Variants in SLC24A3 observed in about 807,000 individuals in gnomAD.
SLC24A3 encodes the protein solute carrier family 24 member 3.
SLC24A3 carries 28 observed loss-of-function variants against 75.8 expected under a neutral mutation model. The ratio of observed to expected loss-of-function variants is 0.37; its 90% confidence interval spans 0.27 to 0.51. The LOEUF (loss-of-function observed/expected upper bound fraction) is 0.51. Among genes scored for constraint, SLC24A3 ranks in the 20% least tolerant of loss-of-function variants. The pLI is 0.94. For synonymous variants in SLC24A3, 372 were observed against 334.1 expected, an observed-to-expected ratio of 1.11 and a Z score of -1.24; for missense variants, 663 against 847.8, an observed-to-expected ratio of 0.78 and a Z score of 2.71.
chr20:19,712,119 A>G (rs1431131644), intron 15 of SLC24A3, among the ~76,000 whole-genome samples: 1 of 151,782 alleles, frequency 6.6e-6, no homozygotes, highest in Non-Finnish European at 1.5e-5. Context: ...GCTAATTTTT[A>G]TTTTTATTTT....
At chr20:19,410,093 A>G (rs1986717501) in intron 2 of SLC24A3, among the ~76,000 whole-genome samples, 1 of 152,164 alleles carries the variant, frequency 6.6e-6, no homozygotes, top group South Asian at 2.1e-4. Context: ...TCAATTACAG[A>G]ACAAGAAACT....
chr20:19,475,291 A>G (rs1987944102), intron 2 of SLC24A3, among the ~76,000 whole-genome samples: 1 of 151,852 alleles, frequency 6.6e-6, no homozygotes, highest in East Asian at 1.9e-4. Context: ...GTGAGCTGAG[A>G]TCGCGCCACT....
intron 9 of SLC24A3, 138 bp downstream of exon 9, chr20:19,673,792 A>G (rs921575045): frequency 7.2e-6 from 5 of 694,816 alleles, no homozygotes; most frequent in Non-Finnish European, 1.3e-5. Flanking sequence ...TCCCTGCCAG[A>G]CTGTTGTGAG....
At chr20:19,438,355 A>G (rs867157831) in intron 2 of SLC24A3, among the ~76,000 whole-genome samples, 1 of 152,170 alleles carries the variant, frequency 6.6e-6, no homozygotes, top group African/African-American at 2.4e-5. Context: ...TGATATAAAG[A>G]TGGTCTTAGA....
chr20:19,679,467 C>T (rs1939134769), intron 9 of SLC24A3, among the ~76,000 whole-genome samples: 1 of 134,446 alleles, frequency 7.4e-6, no homozygotes, highest in East Asian at 2.4e-4. Flanking sequence ...AGTCCAGCTT[C>T]GGCTCGGCAT....
At chr20:19,386,938 T>A (rs1986282550) in intron 2 of SLC24A3, among the ~76,000 whole-genome samples, 1 of 152,180 alleles carries the variant, frequency 6.6e-6, no homozygotes, top group African/African-American at 2.4e-5. Flanking sequence ...CTTCTTTAAA[T>A]GTTTGTTAAA....
intron 15 of SLC24A3, among the ~76,000 whole-genome samples, chr20:19,709,089 G>T (rs758788967): frequency 6.6e-5 from 10 of 152,190 alleles, no homozygotes; most frequent in Non-Finnish European, 1.5e-4. Context: ...TACCACAGTG[G>T]GCAATCAGGG....
At chr20:19,603,275 G>T (rs2031552111) in intron 6 of SLC24A3, among the ~76,000 whole-genome samples, 1 of 152,216 alleles carries the variant, frequency 6.6e-6, no homozygotes, top group African/African-American at 2.4e-5. Flanking sequence ...CACAGCATCT[G>T]CCCGCTGAAC....
chr20:19,456,826 T>G (rs781005782), intron 2 of SLC24A3, among the ~76,000 whole-genome samples: 2 of 152,212 alleles, frequency 1.3e-5, no homozygotes, highest in Non-Finnish European at 2.9e-5. Flanking sequence ...TGGGAGTCAG[T>G]GCAACACACC....
At chr20:19,366,296 T>A (rs1985890372) in intron 2 of SLC24A3, among the ~76,000 whole-genome samples, 1 of 152,220 alleles carries the variant, frequency 6.6e-6, no homozygotes, top group Non-Finnish European at 1.5e-5. Flanking sequence ...CATCTTTATC[T>A]AATTGTTCCT....
intron 8 of SLC24A3, among the ~76,000 whole-genome samples, chr20:19,668,525 C>A (rs1304438478): frequency 1.3e-5 from 2 of 152,048 alleles, no homozygotes; most frequent in Non-Finnish European, 2.9e-5. Context: ...CAGTTCACCC[C>A]AAAAAATCTT....
At chr20:19,521,173 A>G (rs909261426) in intron 3 of SLC24A3, among the ~76,000 whole-genome samples, 2 of 151,940 alleles carry the variant, frequency 1.3e-5, no homozygotes, top group African/African-American at 4.8e-5. Flanking sequence ...TTATTCTCTC[A>G]GAAGAAGTGT....
At chr20:19,542,464 T>C (rs1047575058) in intron 3 of SLC24A3, among the ~76,000 whole-genome samples, 1 of 152,148 alleles carries the variant, frequency 6.6e-6, no homozygotes, top group African/African-American at 2.4e-5. Flanking sequence ...GTTTTTGAAG[T>C]TGCCAAGGTT....
At chr20:19,693,611 A>C (rs1408282052) in intron 13 of SLC24A3, 186 bp downstream of exon 13, 20 of 677,508 alleles carry the variant, frequency 3.0e-5, no homozygotes, top group Non-Finnish European at 4.6e-5. Context: ...ACACGTCTTC[A>C]TGTTGACTGT....
At chr20:19,503,316 G>A (rs1462725247) in intron 2 of SLC24A3, among the ~76,000 whole-genome samples, 2 of 152,224 alleles carry the variant, frequency 1.3e-5, no homozygotes, top group Non-Finnish European at 2.9e-5. Context: ...ATGGAGAAAA[G>A]TGAACAAATG....
At chr20:19,532,692 G>T (rs1184374874) in intron 3 of SLC24A3, among the ~76,000 whole-genome samples, 2 of 152,222 alleles carry the variant, frequency 1.3e-5, no homozygotes, top group African/African-American at 4.8e-5. Context: ...TGGAGCACTT[G>T]CACCAGACAC....
At chr20:19,566,516 C>T (rs2030960486) in intron 3 of SLC24A3, among the ~76,000 whole-genome samples, 1 of 152,208 alleles carries the variant, frequency 6.6e-6, no homozygotes, top group South Asian at 2.1e-4. Context: ...CATTCTTTCC[C>T]TCAACCACAG....
intron 2 of SLC24A3, among the ~76,000 whole-genome samples, chr20:19,396,501 C>T (rs1986456270): frequency 6.6e-6 from 1 of 152,292 alleles, no homozygotes; most frequent in South Asian, 2.1e-4. Flanking sequence ...TAGCACATAT[C>T]AATTCAGACT....
intron 2 of SLC24A3, among the ~76,000 whole-genome samples, chr20:19,481,214 G>C (rs57355751): frequency 3.7e-5 from 5 of 134,962 alleles, no homozygotes; most frequent in African/African-American, 1.4e-4. Context: ...ACATTGCTAC[G>C]TCCTGGCTTG....
Sources: gnomAD v4.1 joint callset for allele counts (sites outside exome capture counted in the v4.1 genomes callset) on GRCh38, gnomAD v4.1.1 for gene constraint, MANE v1.5 for transcripts, NCBI Gene and HGNC (gene_info 2026-07-23, HGNC 2026-07-21) for gene names.